GREB1: variants seen among roughly 807,000 people sequenced by gnomAD.
The protein encoded by GREB1 is protein GREB1.
GREB1 carries 106 observed loss-of-function variants against 200.7 expected under a neutral mutation model. The observed-to-expected ratio is 0.53, with a 90% CI of 0.45 to 0.62. The LOEUF is 0.62. Among genes scored for constraint, GREB1 ranks in the 20% least tolerant of loss-of-function variants. The probability of loss-of-function intolerance (pLI) is 0.00; values close to 1 mark genes in which losing one functional copy is unlikely to be tolerated. For synonymous variants in GREB1, 1,132 were observed against 1,092.4 expected, an observed-to-expected ratio of 1.04 and a Z score of -0.72; for missense variants, 2,243 against 2,556.8, an observed-to-expected ratio of 0.88 and a Z score of 2.65.
intron 12 of GREB1, 134 bp from the exon 13 acceptor site, chr2:11,595,977 C>T: frequency 1.3e-6 from 1 of 784,898 alleles, no homozygotes; most frequent in Non-Finnish European, 2.1e-6. Flanking sequence ...GACCCCTTGA[C>T]AGGACGGGCC....
intron 4 of GREB1, among the ~76,000 whole-genome samples, chr2:11,567,965 G>A (rs1037542597): frequency 6.6e-6 from 1 of 152,158 alleles, no homozygotes; most frequent in Non-Finnish European, 1.5e-5. Context: ...TTCTCATCCC[G>A]TGACTGTGGG....
In GREB1 at chr2:11,580,520, A is replaced by G. The variant is rs1679359941; in HGVS notation, c.773-184A>G. On this transcript the variant is annotated intron_variant, in intron 6 of 32. Transcript: ENST00000381486. This position sits in a 1 kb window ranked among gnomAD's most constrained non-coding sequence, Gnocchi z 4.5. The stretch of plus-strand genomic sequence containing the variant: ...CACGTGCATGGGGGTGTGTGTGTGT[A>G]TGCATGTGTCTGCATGTATCTTCTC... 6.6e-6 allele frequency among the ~76,000 whole-genome samples: 1 copy of G among 152,038 alleles called. No individual in the cohort carries two copies. The highest frequency in any genetic ancestry group is 1.5e-5 in the Non-Finnish European group (1 of 67,986).
chr2:11,591,931 A>T, intron 10 of GREB1: 1 of 859,898 alleles, frequency 1.2e-6, no homozygotes, highest in Non-Finnish European at 1.4e-6. Context: ...CCCAAAGTTT[A>T]TACTGACAAT....
chr2:11,509,010 G>A (rs1056014619), intron 1 of GREB1, among the ~76,000 whole-genome samples: 1 of 151,684 alleles, frequency 6.6e-6, no homozygotes. Context: ...GAGTAGCTGG[G>A]ACTACAGGCG....
intron 1 of GREB1, among the ~76,000 whole-genome samples, chr2:11,547,456 C>T (rs1410702092): frequency 2.6e-5 from 4 of 152,166 alleles, no homozygotes; most frequent in Non-Finnish European, 4.4e-5. Flanking sequence ...ATTCTTCACA[C>T]GTGTCCTTCC....
At chr2:11,636,219 T>TA (rs553336021) in intron 30 of GREB1, among the ~76,000 whole-genome samples, 10 of 152,346 alleles carry the variant, frequency 6.6e-5, no homozygotes, top group African/African-American at 2.2e-4. Flanking sequence ...GGCCCCCACT[T>TA]ACAGCATCAT....
intron 7 of GREB1, among the ~76,000 whole-genome samples, chr2:11,582,515 GGTTA>G (rs1679602894): frequency 6.6e-6 from 1 of 152,220 alleles, no homozygotes; most frequent in Admixed American, 6.5e-5. Flanking sequence ...GCCTTTCTGA[GGTTA>G]GTTCAGGGGG....
In GREB1 at chr2:11,600,798, A is replaced by C. The variant is rs1681716420; in HGVS notation, c.2334-2A>C. The C allele has an allele frequency of 6.2e-7, 1 of 1,611,876 alleles. No homozygotes were observed. The highest frequency in any genetic ancestry group is 2.2e-5 in the East Asian group (1 of 44,876). On this transcript the variant is annotated splice_acceptor_variant, in intron 15 of 32. Coordinates refer to ENST00000381486, the MANE Select transcript of GREB1 (RefSeq NM_014668.4). LOFTEE classifies it high-confidence loss of function. ...CACTGATTGTGTCTTCTCCTCCCTCAGTAGCACTGTTCATAACCTCTATTC... is the reference window on the plus strand; with the variant it reads ...CACTGATTGTGTCTTCTCCTCCCTCCGTAGCACTGTTCATAACCTCTATTC...
chr2:11,540,405 GAGA>G (rs1322370513), intron 1 of GREB1, among the ~76,000 whole-genome samples: 2 of 152,256 alleles, frequency 1.3e-5, no homozygotes, highest in African/African-American at 4.8e-5. Context: ...TGGTTCCAGA[GAGA>G]AGGTTTTCAG....
chr2:11,610,661 G>T, intron 17 of GREB1, 27 bp from the exon 18 acceptor site: 2 of 1,566,586 alleles, frequency 1.3e-6, no homozygotes, highest in Non-Finnish European at 1.7e-6. Context: ...GGCCGTCACA[G>T]ACATGGTCTC....
upstream of GREB1, among the ~76,000 whole-genome samples, chr2:11,529,078 A>G (rs1016084948): frequency 6.6e-6 from 1 of 152,232 alleles, no homozygotes; most frequent in East Asian, 1.9e-4. Flanking sequence ...TAATGGGAAG[A>G]GTAATCTAAA....
chr2:11,598,603 C>A, intron 14 of GREB1, 77 bp from the exon 15 acceptor site: 1 of 1,323,812 alleles, frequency 7.6e-7, no homozygotes, highest in Non-Finnish European at 1.1e-6. Flanking sequence ...GTAGGAGTCG[C>A]TCCTCAGGTG....
chr2:11,574,717 G>A (rs536835948), intron 4 of GREB1, among the ~76,000 whole-genome samples: 1 of 152,316 alleles, frequency 6.6e-6, no homozygotes, highest in African/African-American at 2.4e-5. Context: ...ATTTCACAAA[G>A]AAGGACTTGC....
At chr2:11,618,114 A>G (rs532306031) in intron 21 of GREB1, among the ~76,000 whole-genome samples, 174 bp from the exon 22 acceptor site, 8 of 152,068 alleles carry the variant, frequency 5.3e-5, no homozygotes, top group African/African-American at 1.2e-4. Flanking sequence ...CACTCCTGGG[A>G]CGAGTCGCCC....
At chr2:11,617,215 T>A (rs1046845928) in intron 21 of GREB1, among the ~76,000 whole-genome samples, 2 of 152,202 alleles carry the variant, frequency 1.3e-5, no homozygotes, top group African/African-American at 4.8e-5. Flanking sequence ...AACCACAGGC[T>A]CCACACGGTC....
In GREB1 at chr2:11,492,195, G is replaced by A. The variant is rs1238932658; in HGVS notation, c.-159+9814G>A. 6.6e-5 allele frequency among the ~76,000 whole-genome samples: 10 copies of A among 152,260 alleles called. No homozygotes were observed. The highest frequency in any genetic ancestry group is 1.9e-4 in the East Asian group (1 of 5,184). On this transcript the variant is annotated intron_variant, in intron 1 of 2. Transcript: ENST00000628795. The surrounding 1 kb of genome is among the most constrained non-coding windows in gnomAD (Gnocchi z 4.0). ...ATTGTTCACCTAGCACTGGAGCATC[G>A]TCATGGACACGCCAGGCCTGAGTGG...
chr2:11,505,121 G>A (rs1035479082), intron 1 of GREB1, among the ~76,000 whole-genome samples: 1 of 151,950 alleles, frequency 6.6e-6, no homozygotes, highest in African/African-American at 2.4e-5. Context: ...TAGTAGAGAC[G>A]GGGTTTCACC....
At position 11,538,884 on chromosome 2, in the gene GREB1, CCT is replaced by C. The variant is rs1322903648; in HGVS notation, c.-162+4635_-162+4636del. ...CCCTCCGTCCCTCCCTTTTTCCCTC[CCT>C]CTCTTTCTTTTCCTTCCTTCCTTCC... On this transcript the variant is annotated intron_variant, in intron 1 of 32. Coordinates refer to ENST00000381486, the MANE Select transcript of GREB1 (RefSeq NM_014668.4). Among the ~76,000 whole-genome samples the C allele has an allele frequency of 2.6e-3, 235 of 90,958 alleles. 2 individuals are homozygous for C. The highest frequency in any genetic ancestry group is 9.8e-3 in the African/African-American group (223 of 22,800). The allele number at this position is 90,958 out of a possible 152,430, so 59.7% of individuals were successfully genotyped here. A position where few individuals can be genotyped will look rare whatever the true frequency, so the allele number is the denominator to read the frequency against.
intron 1 of GREB1, among the ~76,000 whole-genome samples, chr2:11,511,853 T>G (rs1387862849): frequency 6.6e-6 from 1 of 152,104 alleles, no homozygotes; most frequent in Non-Finnish European, 1.5e-5. Context: ...GGGGATTAAG[T>G]GAGATGACAC....
Sources: gnomAD v4.1 joint callset for allele counts (sites outside exome capture counted in the v4.1 genomes callset) on GRCh38, gnomAD v4.1.1 for gene constraint, Gnocchi (gnomAD v3.1) non-coding constraint, MANE v1.5 for transcripts, NCBI Gene and HGNC (gene_info 2026-07-23, HGNC 2026-07-21) for gene names.